C16orf74: variants seen among roughly 807,000 people sequenced by gnomAD.
The protein encoded by C16orf74 is uncharacterized protein C16orf74.
C16orf74 carries 10 observed loss-of-function variants against 6.5 expected under a neutral mutation model. The observed-to-expected ratio is 1.54, with a 90% CI of 0.95 to 2.61. The LOEUF is 2.61. Ranked by LOEUF, C16orf74 falls within the 30% of genes most tolerant of loss-of-function variation. C16orf74 has a pLI of 0.00. For missense variants in C16orf74, 141 were observed against 105.9 expected (o/e 1.33, Z -1.45); for synonymous variants, 60 against 42.5 (o/e 1.41, Z -1.60).
intron 1 of C16orf74, among the ~76,000 whole-genome samples, chr16:85,750,264 G>A (rs73257245): frequency 0.059 from 8,931 of 152,276 alleles, 573 homozygotes; most frequent in African/African-American, 0.16. Flanking sequence ...CCCCGCAGCC[G>A]GAGGCGGTCT....
At chr16:85,728,300 C>T (rs1283425721) in intron 2 of C16orf74, among the ~76,000 whole-genome samples, 1 of 152,154 alleles carries the variant, frequency 6.6e-6, no homozygotes, top group Non-Finnish European at 1.5e-5. Context: ...ACTCTCTGTA[C>T]TATCTTTTCA....
At chr16:85,713,087 G>A (rs1310486625) in intron 2 of C16orf74, among the ~76,000 whole-genome samples, 1 of 152,186 alleles carries the variant, frequency 6.6e-6, no homozygotes, top group Non-Finnish European at 1.5e-5. Flanking sequence ...GAGGCCAGAA[G>A]TTCCAGATCC....
At chr16:85,738,356 A>C (rs2054267531) in intron 1 of C16orf74, among the ~76,000 whole-genome samples, 2 of 139,822 alleles carry the variant, frequency 1.4e-5, no homozygotes, top group East Asian at 2.1e-4. Flanking sequence ...ACAGAGTCTC[A>C]CTCTGTTGCC....
chr16:85,711,712 C>T (rs1160392461), intron 2 of C16orf74, among the ~76,000 whole-genome samples: 2 of 152,130 alleles, frequency 1.3e-5, no homozygotes, highest in Non-Finnish European at 2.9e-5. Flanking sequence ...TCTCTATGTC[C>T]CATCACTTTG....
At chr16:85,740,510 G>A (rs1180696458) in intron 1 of C16orf74, among the ~76,000 whole-genome samples, 1 of 151,960 alleles carries the variant, frequency 6.6e-6, no homozygotes, top group Admixed American at 6.6e-5. Context: ...AGACCATCCT[G>A]GCTATCACGG....
At chr16:85,740,502 A>C (rs2054293056) in intron 1 of C16orf74, among the ~76,000 whole-genome samples, 1 of 151,954 alleles carries the variant, frequency 6.6e-6, no homozygotes, top group African/African-American at 2.4e-5. Context: ...GGAGATCGAG[A>C]CCATCCTGGC....
intron 2 of C16orf74, among the ~76,000 whole-genome samples, chr16:85,722,966 C>T (rs1226254584): frequency 1.3e-5 from 2 of 152,212 alleles, no homozygotes; most frequent in South Asian, 2.1e-4. Flanking sequence ...GAGCCACTTG[C>T]CCAAGATCAC....
intron 2 of C16orf74, among the ~76,000 whole-genome samples, chr16:85,727,964 CAAA>C (rs59377902): frequency 1.4e-3 from 108 of 75,772 alleles, no homozygotes; most frequent in Middle Eastern, 6.7e-3. Context: ...CCCTTCTCTA[CAAA>C]AAAAAAAAAA....
intron 1 of C16orf74, among the ~76,000 whole-genome samples, chr16:85,747,416 C>T (rs1219164883): frequency 6.6e-6 from 1 of 152,038 alleles, no homozygotes; most frequent in Non-Finnish European, 1.5e-5. Context: ...CATGCCACTG[C>T]ACTCCAGCCT....
chr16:85,730,724 A>G (rs1338736563), intron 2 of C16orf74, among the ~76,000 whole-genome samples: 1 of 150,640 alleles, frequency 6.6e-6, no homozygotes, highest in Non-Finnish European at 1.5e-5. Context: ...CAAGCCCCCA[A>G]GACCAGCCAA....
intron 1 of C16orf74, among the ~76,000 whole-genome samples, chr16:85,745,913 A>T (rs532317882): frequency 6.6e-6 from 1 of 152,366 alleles, no homozygotes; most frequent in Admixed American, 6.5e-5. Flanking sequence ...GCTCTAGGCT[A>T]TGAGATAAAC....
intron 2 of C16orf74, among the ~76,000 whole-genome samples, chr16:85,732,019 G>A (rs933731074): frequency 6.6e-6 from 1 of 152,352 alleles, no homozygotes; most frequent in South Asian, 2.1e-4. Flanking sequence ...AGGATCTTGG[G>A]ATGACATTAT....
intron 2 of C16orf74, among the ~76,000 whole-genome samples, chr16:85,733,361 C>A (rs1228872639): frequency 6.6e-6 from 1 of 152,104 alleles, no homozygotes; most frequent in Non-Finnish European, 1.5e-5. Flanking sequence ...TTCTTAGAGA[C>A]AGGAAGTAGA....
intron 2 of C16orf74, among the ~76,000 whole-genome samples, chr16:85,711,924 G>C (rs558769110): frequency 6.6e-6 from 1 of 152,318 alleles, no homozygotes; most frequent in African/African-American, 2.4e-5. Context: ...GCTCTGAGAG[G>C]CAGAGTCTAA....
intron 2 of C16orf74, among the ~76,000 whole-genome samples, chr16:85,717,976 G>A (rs762788595): frequency 1.1e-4 from 17 of 152,242 alleles, no homozygotes; most frequent in Non-Finnish European, 4.4e-5. Context: ...CCCTGTGCCA[G>A]CTCTTGGTGA....
At chr16:85,738,748 G>T (rs561839680) in intron 1 of C16orf74, among the ~76,000 whole-genome samples, 46 of 151,944 alleles carry the variant, frequency 3.0e-4, no homozygotes, top group Non-Finnish European at 1.3e-4. Context: ...GGGACGGAGG[G>T]CCCAGGCCTG....
At chr16:85,712,702 C>G (rs973876354) in intron 2 of C16orf74, among the ~76,000 whole-genome samples, 3 of 152,224 alleles carry the variant, frequency 2.0e-5, no homozygotes, top group Middle Eastern at 3.2e-3. Flanking sequence ...AGGCCACCAG[C>G]TGTGTGACCC....
chr16:85,740,678 C>T (rs1395711405), intron 1 of C16orf74, among the ~76,000 whole-genome samples: 10 of 125,964 alleles, frequency 7.9e-5, no homozygotes, highest in Non-Finnish European at 9.7e-5. Flanking sequence ...GGGCACAGAG[C>T]GAGACTCTGT....
chr16:85,733,511 A>G (rs1012469481), intron 2 of C16orf74, among the ~76,000 whole-genome samples: 1 of 152,218 alleles, frequency 6.6e-6, no homozygotes, highest in Non-Finnish European at 1.5e-5. Context: ...GCTTAATGCC[A>G]CTAACCTTGT....
Sources: gnomAD v4.1 joint callset for allele counts (sites outside exome capture counted in the v4.1 genomes callset) on GRCh38, gnomAD v4.1.1 for gene constraint, MANE v1.5 for transcripts, NCBI Gene and HGNC (gene_info 2026-07-23, HGNC 2026-07-21) for gene names.